Variants in TXNDC15 observed in about 807,000 individuals in gnomAD.
The protein encoded by TXNDC15 is thioredoxin domain-containing protein 15.
TXNDC15 carries 24 observed loss-of-function variants against 35.0 expected under a neutral mutation model. The observed-to-expected ratio is 0.68, with a 90% CI of 0.50 to 0.96. TXNDC15 has a LOEUF of 0.96. Ranked by LOEUF, TXNDC15 falls within the 40% of genes least tolerant of loss-of-function variation. TXNDC15 has a pLI of 0.00. For synonymous variants in TXNDC15, 169 were observed against 174.0 expected (o/e 0.97, Z 0.23); for missense variants, 385 against 453.3 (o/e 0.85, Z 1.37).
chr5:134,888,109 C>T lies in TXNDC15; in HGVS notation c.518C>T (p.Pro173Leu). The stretch of plus-strand genomic sequence containing the variant: ...AATAACACTGAAAGTCTGAAATCCC[C>T]AAAGGTGAACTGTGAGGAGAGAAAC... ...DSNNTESLKS[P>L]KVNCEERNIT... The change falls in exon 2 of 5, where the codon CCA becomes CTA. Residue 173 changes from proline (P) to leucine (L), a missense_variant. Pro to Leu is a moderately conservative substitution (Grantham distance 98). Coordinates refer to ENST00000358387, the MANE Select transcript of TXNDC15 (RefSeq NM_024715.4). 6.2e-7 allele frequency: 1 copy of T among 1,614,124 alleles called. No homozygotes were observed. The highest frequency in any genetic ancestry group is 2.2e-5 in the East Asian group (1 of 44,888).
intron 1 of TXNDC15, among the ~76,000 whole-genome samples, chr5:134,877,485 C>G (rs903153819): frequency 1.3e-5 from 2 of 152,140 alleles, no homozygotes; most frequent in Non-Finnish European, 2.9e-5. Context: ...GCAGGCTGAC[C>G]AGGGAGACCA....
chr5:134,893,713 G>C, intron 3 of TXNDC15, 58 bp downstream of exon 3: 2 of 1,606,422 alleles, frequency 1.2e-6, no homozygotes, highest in South Asian at 2.2e-5. Context: ...GCAGTTATTT[G>C]GAGGTCCTAA....
At chr5:134,896,182 G>A (rs778628826) in intron 3 of TXNDC15, 112 bp from the exon 4 acceptor site, 189 of 1,303,654 alleles carry the variant, frequency 1.4e-4, no homozygotes, top group Non-Finnish European at 1.7e-4. Flanking sequence ...AGAAATCTCC[G>A]TAGGTCACAC....
chr5:134,884,250 TC>T (rs1425648660), intron 1 of TXNDC15, among the ~76,000 whole-genome samples: 1 of 148,522 alleles, frequency 6.7e-6, no homozygotes, highest in Non-Finnish European at 1.5e-5. Flanking sequence ...TACAATTTGA[TC>T]TTTTTTTTTT....
chr5:134,892,606 G>A (rs1006781231), intron 2 of TXNDC15: 1 of 152,106 alleles, frequency 6.6e-6, no homozygotes, highest in Non-Finnish European at 1.5e-5. Context: ...GGTGTAAGAG[G>A]CCTAGCTTTC....
At chr5:134,875,327 A>G (rs1418835164) in intron 1 of TXNDC15, 7 of 456,160 alleles carry the variant, frequency 1.5e-5, no homozygotes, top group Non-Finnish European at 3.1e-5. Flanking sequence ...CTTAACAGGA[A>G]TAGGCAGGTC....
chr5:134,884,236 AG>A (rs1321780004), intron 1 of TXNDC15, among the ~76,000 whole-genome samples: 1 of 148,688 alleles, frequency 6.7e-6, no homozygotes, highest in Non-Finnish European at 1.5e-5. Context: ...AAAAAAAAAA[AG>A]GGTACAATTT....
rs1169344083 is a variant in TXNDC15 at position 134,896,368 on chromosome 5, T to A, written c.830T>A (p.Phe277Tyr). The A allele has an allele frequency of 6.2e-7, 1 of 1,614,098 alleles. No individual in the cohort carries two copies. ...LFQGAKPMAR[F>Y]NHTDRTLETL... ...CAAGGAGCTAAACCAATGGCCAGAT[T>A]TAATCATACAGATCGAACACTGGAA... The change falls in exon 4 of 5, where the codon TTT becomes TAT. Residue 277 changes from phenylalanine (F) to tyrosine (Y), a missense_variant. Coordinates refer to ENST00000358387, the MANE Select transcript of TXNDC15 (RefSeq NM_024715.4).
At position 134,888,035 on chromosome 5, in the gene TXNDC15, CA is replaced by C; in HGVS notation, c.445del (p.Thr149GlnfsTer22). On this transcript the variant is annotated frameshift_variant, in exon 2 of 5. Coordinates refer to ENST00000358387, the MANE Select transcript of TXNDC15 (RefSeq NM_024715.4). LOFTEE classifies it high-confidence loss of function. ...TCCCTGACAGAGAAGAGGAGTATTA[CA>C]CAGAGCCAGAAGTGGCGGAATCTGA... is the stretch of plus-strand genomic sequence containing the variant. ...HFPDREEEYY[T>X]EPEVAESDAA... 2 of 1,614,184 alleles carry C rather than the reference CA, an allele frequency of 1.2e-6. No homozygotes were observed. The highest frequency in any genetic ancestry group is 1.7e-6 in the Non-Finnish European group (2 of 1,180,024).
At chr5:134,876,127 C>G (rs1352515006) in intron 1 of TXNDC15, among the ~76,000 whole-genome samples, 11 of 152,196 alleles carry the variant, frequency 7.2e-5, no homozygotes, top group Non-Finnish European at 1.5e-4. Flanking sequence ...AGAGCCCAAC[C>G]TCTGCATTTT....
chr5:134,885,591 G>C (rs147113334), intron 1 of TXNDC15, among the ~76,000 whole-genome samples: 121 of 152,264 alleles, frequency 7.9e-4, no homozygotes, highest in African/African-American at 2.5e-3. Context: ...TCTCTAGATA[G>C]CTCCTCTCAT....
Position 134,889,235 on chromosome 5 carries a change from C to T in TXNDC15, c.591+1053C>T, listed in dbSNP as rs1204134293. 2.0e-5 allele frequency among the ~76,000 whole-genome samples: 3 copies of T among 152,014 alleles called. No individual in the cohort carries two copies. In the South Asian group the frequency reaches 6.2e-4, roughly 32 times the overall value. ...GTGGCAGGGACGGTGTACCCTTTTTCTTTTTTTGACACAGAGTCTCACTCT... is the reference window on the plus strand; with the variant it reads ...GTGGCAGGGACGGTGTACCCTTTTTTTTTTTTTGACACAGAGTCTCACTCT... On this transcript the variant is annotated intron_variant, in intron 2 of 4. Coordinates refer to ENST00000358387, the MANE Select transcript of TXNDC15 (RefSeq NM_024715.4).
chr5:134,894,489 T>C (rs1750451195), intron 3 of TXNDC15, among the ~76,000 whole-genome samples: 1 of 151,176 alleles, frequency 6.6e-6, no homozygotes, highest in Non-Finnish European at 1.5e-5. Flanking sequence ...TGCCTCAGCC[T>C]CCTGAGTAGC....
chr5:134,887,734 C>T lies in TXNDC15; in HGVS notation c.143C>T (p.Pro48Leu). The part of the protein sequence containing the change: ...ESGRLWSEEQ[P>L]AHPLQVGAVY... ...GGTCGCTTATGGTCAGAGGAGCAGC[C>T]TGCTCACCCTCTCCAGGTGGGGGCT... The change falls in exon 2 of 5, where the codon CCT becomes CTT. Residue 48 changes from proline to leucine, a missense_variant. Physicochemically the swap from Pro to Leu is moderately conservative, Grantham distance 98. Coordinates refer to ENST00000358387, the MANE Select transcript of TXNDC15 (RefSeq NM_024715.4). The T allele has an allele frequency of 6.2e-7, 1 of 1,608,382 alleles. No homozygotes were observed. The highest frequency in any genetic ancestry group is 8.5e-7 in the Non-Finnish European group (1 of 1,175,804).
At chr5:134,875,408 A>G (rs1750014196) in intron 1 of TXNDC15, 1 of 456,176 alleles carries the variant, frequency 2.2e-6, no homozygotes, top group Admixed American at 2.3e-5. Context: ...GAGTCATAGT[A>G]ACACAATTAC....
intron 1 of TXNDC15, among the ~76,000 whole-genome samples, chr5:134,884,357 T>C (rs1750232220): frequency 1.3e-5 from 2 of 149,468 alleles, no homozygotes; most frequent in Non-Finnish European, 3.0e-5. Context: ...CAAGCGATTC[T>C]CCTGCCTCAG....
chr5:134,901,439 C>G lies in TXNDC15; in HGVS notation c.*1754C>G, dbSNP rs547276224. ...AGTTAGATAACTTGCCCAGGTTACA[C>G]AGATTGTAAGTTGATGAAGCTGGGA... On this transcript the variant is annotated 3_prime_UTR_variant, in exon 5 of 5. Coordinates refer to ENST00000358387, the MANE Select transcript of TXNDC15 (RefSeq NM_024715.4). 5.3e-5 allele frequency: 8 copies of G among 152,296 alleles called. No individual in the cohort carries two copies. The highest frequency in any genetic ancestry group is 8.8e-5 in the Non-Finnish European group (6 of 68,022). 9.4% of individuals were successfully genotyped at this position (152,296 alleles called of 1,614,324 possible). A position where few individuals can be genotyped will look rare whatever the true frequency, so the allele number is the denominator to read the frequency against.
chr5:134,883,189 G>A (rs1385385099), intron 1 of TXNDC15, among the ~76,000 whole-genome samples: 1 of 152,032 alleles, frequency 6.6e-6, no homozygotes, highest in African/African-American at 2.4e-5. Context: ...CACTTTGGGA[G>A]GCCAAGGTGG....
chr5:134,893,990 C>T (rs1750440225), intron 3 of TXNDC15, among the ~76,000 whole-genome samples: 1 of 152,084 alleles, frequency 6.6e-6, no homozygotes, highest in Non-Finnish European at 1.5e-5. Context: ...GTAGGATATT[C>T]CTTTGTGACT....
Sources: allele counts gnomAD v4.1 joint callset (sites outside exome capture counted in the v4.1 genomes callset), GRCh38; gene constraint gnomAD v4.1.1; transcripts MANE v1.5; gene names NCBI Gene and HGNC (gene_info 2026-07-23, HGNC 2026-07-21).